Variants in C20orf173 observed in about 807,000 individuals in gnomAD.
C20orf173 encodes chromosome 20 open reading frame 173, also known as uncharacterized protein C20orf173.
In C20orf173, 22 loss-of-function variants were observed where a neutral mutation model predicts 26.7. The ratio of observed to expected loss-of-function variants is 0.82; its 90% confidence interval spans 0.59 to 1.18. The LOEUF is 1.18. C20orf173 is among the 50% of genes most tolerant of loss of function. The pLI is 0.00. For missense variants in C20orf173, 210 were observed against 250.3 expected (o/e 0.84, Z 1.09); for synonymous variants, 85 against 96.4 (o/e 0.88, Z 0.69).
chr20:35,524,975 A>T (rs956249469), downstream of C20orf173, among the ~76,000 whole-genome samples: 1 of 151,964 alleles, frequency 6.6e-6, no homozygotes, highest in Non-Finnish European at 1.5e-5. Flanking sequence ...CTGGGATTAT[A>T]GGCATGATCC....
chr20:35,528,941 G>A, intron 2 of C20orf173, 62 bp from the exon 3 acceptor site: 1 of 1,545,034 alleles, frequency 6.5e-7, no homozygotes, highest in Non-Finnish European at 8.8e-7. Flanking sequence ...GAGCTGGGTG[G>A]GTGAGATCTC....
At chr20:35,529,525 C>T in intron 1 of C20orf173, 34 bp downstream of exon 1, 1 of 676,026 alleles carries the variant, frequency 1.5e-6, no homozygotes. Flanking sequence ...TCCTTCCAAC[C>T]CCTCCTCTCC....
downstream of C20orf173, chr20:35,523,096 G>C (rs2064484471): frequency 6.5e-6 from 1 of 152,672 alleles, no homozygotes; most frequent in South Asian, 2.1e-4. Context: ...TGTCAAACCA[G>C]TCAGACTCGC....
chr20:35,528,611 G>C (rs529193771), intron 3 of C20orf173, 67 bp from the exon 4 acceptor site: 3 of 1,546,646 alleles, frequency 1.9e-6, no homozygotes. Flanking sequence ...TGGACTTGGG[G>C]CCTGCTTCAT....
At chr20:35,524,535 C>T (rs1403104419), downstream of C20orf173, among the ~76,000 whole-genome samples, 5 of 151,976 alleles carry the variant, frequency 3.3e-5, no homozygotes, top group African/African-American at 4.8e-5. Context: ...TTGCATTTGC[C>T]GCATTTCAAG....
Position 35,529,420 on chromosome 20 carries a change from T to C in C20orf173, c.-47A>G, listed in dbSNP as rs1375711822. ...CCGTGGTGGGCCGTAGACTGGCTTC[T>C]CTACCTGTAAGGATGAGGGGCTGAG... On this transcript the variant is annotated 5_prime_UTR_variant, in exon 2 of 6. Transcript: ENST00000444723. 22 of 1,481,202 alleles carry C rather than the reference T, an allele frequency of 1.5e-5. No homozygotes were observed. The highest frequency in any genetic ancestry group is 1.9e-5 in the Non-Finnish European group (21 of 1,114,288). 91.8% of individuals were successfully genotyped at this position (1,481,202 alleles called of 1,614,324 possible). A position where few individuals can be genotyped will look rare whatever the true frequency, so the allele number is the denominator to read the frequency against.
downstream of C20orf173, among the ~76,000 whole-genome samples, chr20:35,526,650 AGC>A (rs1491484351): frequency 2.8e-5 from 4 of 144,010 alleles, no homozygotes; most frequent in East Asian, 2.0e-4. Context: ...AAAAAAAAAA[AGC>A]GAATTGGAAC....
At chr20:35,521,609 A>ATT (rs111556808), downstream of C20orf173, among the ~76,000 whole-genome samples, 3,016 of 140,730 alleles carry the variant, frequency 0.021, 111 homozygotes, top group African/African-American at 0.074. Context: ...GGGAAGACAG[A>ATT]TTTTTTTTTT....
downstream of C20orf173, chr20:35,523,259 A>G (rs1005679838): frequency 3.3e-5 from 5 of 152,120 alleles, no homozygotes; most frequent in Non-Finnish European, 5.9e-5. Flanking sequence ...GAAGGAGGTG[A>G]TCAGCCACAA....
At chr20:35,520,999 C>T (rs1157105879), downstream of C20orf173, 1 of 152,312 alleles carries the variant, frequency 6.6e-6, no homozygotes, top group South Asian at 2.1e-4. Context: ...CAGCCGTAGA[C>T]AGCAATCTTC....
intron 5 of C20orf173, among the ~76,000 whole-genome samples, chr20:35,527,977 C>A (rs1568861575): frequency 6.6e-6 from 1 of 152,142 alleles, no homozygotes; most frequent in Non-Finnish European, 1.5e-5. Context: ...GAAAGCCAGG[C>A]AGAAAACTTT....
chr20:35,522,470 G>A (rs889917238), downstream of C20orf173: 4 of 152,414 alleles, frequency 2.6e-5, no homozygotes, highest in Non-Finnish European at 4.4e-5. Context: ...TGAATTCAAC[G>A]GAAGCAGCAG....
At position 35,528,863 on chromosome 20, in the gene C20orf173, C is replaced by A; in HGVS notation, c.326G>T (p.Ser109Ile). The A allele has an allele frequency of 6.4e-7, 1 of 1,551,500 alleles. No homozygotes were observed. The highest frequency in any genetic ancestry group is 8.7e-7 in the Non-Finnish European group (1 of 1,146,934). The change falls in exon 3 of 6, where the codon AGC (serine) becomes ATC (isoleucine). Residue 109 changes from serine (S) to isoleucine (I), a missense_variant. Ser to Ile is a moderately radical substitution (Grantham distance 142, BLOSUM62 -2). Transcript: ENST00000444723. ...CTTCCTCCACAATTTCCCAAGCTCG[C>A]TCCCTGAGTTCATGCCCTGGAAACA... ...VLWWLGMNSG[S>I]ELGKLWRKLF...
intron 3 of C20orf173, 63 bp from the exon 4 acceptor site, chr20:35,528,607 T>TGGG: frequency 6.5e-7 from 1 of 1,548,250 alleles, no homozygotes; most frequent in South Asian, 1.2e-5. Flanking sequence ...GCCCTGGACT[T>TGGG]GGGGCCTGCT....
rs1244529431 is a variant in C20orf173, at chr20:35,529,424, C to T, written c.-51G>A. ...GGTGGGCCGTAGACTGGCTTCTCTA[C>T]CTGTAAGGATGAGGGGCTGAGGCCA... is the stretch of plus-strand genomic sequence containing the variant. On this transcript the variant is annotated splice_region_variant and 5_prime_UTR_variant, in exon 2 of 6. Transcript: ENST00000444723. 13 of 1,473,500 alleles carry T rather than the reference C, an allele frequency of 8.8e-6. No homozygotes were observed. In the African/African-American group the frequency reaches 1.8e-4, roughly 21 times the overall value. 91.3% of individuals were successfully genotyped at this position (1,473,500 alleles called of 1,614,324 possible).
In C20orf173 at chr20:35,528,752, G is replaced by A. The variant is rs375678157; in HGVS notation, c.437C>T (p.Pro146Leu). 329 of 1,547,318 alleles carry A rather than the reference G, an allele frequency of 2.1e-4. 1 individual carries two copies. Among genetic ancestry groups the A allele is most frequent in the African/African-American group, 1.6e-3 (116 of 72,826 alleles). ...GTCGTTGCCAAGGCTGGAGCCCTGCGGGATCTGTGGGCGCCCCAACAGCAC... is the reference window on the plus strand; with the variant it reads ...GTCGTTGCCAAGGCTGGAGCCCTGCAGGATCTGTGGGCGCCCCAACAGCAC... ...TCVLLGRPQI[P>L]QGSSLGNDID... is the part of the protein sequence containing the mutation. Residue 146 changes from proline to leucine, a missense_variant, in exon 3 of 6, where the codon CCG (proline) becomes CTG (leucine). Pro to Leu is a moderately conservative substitution (Grantham distance 98). Transcript: ENST00000444723.
downstream of C20orf173, chr20:35,523,244 T>G (rs2064485281): frequency 6.6e-6 from 1 of 152,114 alleles, no homozygotes; most frequent in Admixed American, 6.6e-5. Context: ...GGAGTGCTGG[T>G]GTAGGAAGGA....
chr20:35,526,805 AG>A (rs1468393299), downstream of C20orf173, among the ~76,000 whole-genome samples: 1 of 152,116 alleles, frequency 6.6e-6, no homozygotes, highest in Non-Finnish European at 1.5e-5. Flanking sequence ...AAGTGGGTAA[AG>A]AGCCTCCCCC....
intron 5 of C20orf173, among the ~76,000 whole-genome samples, chr20:35,527,539 C>G (rs1020296880): frequency 6.6e-6 from 1 of 152,170 alleles, no homozygotes; most frequent in African/African-American, 2.4e-5. Context: ...AGGCATGAGG[C>G]AGCTCATGTG....
Sources: allele counts gnomAD v4.1 joint callset (sites outside exome capture counted in the v4.1 genomes callset), GRCh38; gene constraint gnomAD v4.1.1; transcripts MANE v1.5; gene names NCBI Gene and HGNC (gene_info 2026-07-23, HGNC 2026-07-21).